KCNIP4: variants seen among roughly 807,000 people sequenced by gnomAD.
KCNIP4 encodes the protein Kv channel-interacting protein 4.
Under a neutral mutation model 34.0 loss-of-function variants are expected in KCNIP4, and 12 were observed. The ratio of observed to expected loss-of-function variants is 0.35; its 90% CI spans 0.23 to 0.57. The LOEUF (loss-of-function observed/expected upper bound fraction) is 0.57, where lower values mean the gene tolerates loss of function less well. KCNIP4 is among the 20% of genes least tolerant of loss of function. KCNIP4 has a pLI of 0.83. For synonymous variants in KCNIP4, 124 were observed against 102.2 expected (o/e 1.21, Z -1.29); for missense variants, 238 against 311.7 (o/e 0.76, Z 1.78).
At chr4:21,835,201 T>C (rs1217831598) in intron 1 of KCNIP4, among the ~76,000 whole-genome samples, 1 of 152,024 alleles carries the variant, frequency 6.6e-6, no homozygotes, top group Non-Finnish European at 1.5e-5. Flanking sequence ...CTATGAAAGA[T>C]GATAATAAAT....
chr4:20,765,888 G>A (rs934481906), intron 3 of KCNIP4, among the ~76,000 whole-genome samples: 9 of 152,204 alleles, frequency 5.9e-5, no homozygotes, highest in African/African-American at 2.2e-4. Flanking sequence ...CTCAGGCCAT[G>A]TGGGGACACA....
intron 2 of KCNIP4, 35 bp from the exon 3 acceptor site, chr4:20,850,702 G>A (rs768645909): frequency 1.2e-6 from 2 of 1,603,642 alleles, no homozygotes; most frequent in East Asian, 2.2e-5. Context: ...CTTAGGACCA[G>A]CCACTGCTCA....
At chr4:20,839,067 C>T (rs921542155) in intron 3 of KCNIP4, among the ~76,000 whole-genome samples, 4 of 152,078 alleles carry the variant, frequency 2.6e-5, no homozygotes, top group Non-Finnish European at 4.4e-5. Flanking sequence ...AAAGTAACCA[C>T]AATAAAGGCA....
chr4:20,860,151 T>C (rs996951656), intron 2 of KCNIP4, among the ~76,000 whole-genome samples: 1 of 152,130 alleles, frequency 6.6e-6, no homozygotes, highest in Non-Finnish European at 1.5e-5. Flanking sequence ...CTTTTTTTCT[T>C]TTTTTGAGAT....
intron 1 of KCNIP4, among the ~76,000 whole-genome samples, chr4:21,764,566 G>A (rs779092807): frequency 4.6e-5 from 7 of 152,004 alleles, no homozygotes; most frequent in Admixed American, 2.0e-4. Flanking sequence ...ATCAGAAACC[G>A]GACTATATAA....
chr4:21,172,884 C>A lies in KCNIP4; in HGVS notation c.62-290175G>T, dbSNP rs139041220. Among the ~76,000 whole-genome samples the A allele has an allele frequency of 4.1e-3, 621 of 152,258 alleles. 3 individuals are homozygous for A. Among genetic ancestry groups the A allele is most frequent in the African/African-American group, 0.014 (581 of 41,536 alleles). ...GAAATGGAATTCATTAAAGGTAGTTCTGAGAATTTCTAAGTGAGCTGGAGC... is the reference window on the plus strand; with the variant it reads ...GAAATGGAATTCATTAAAGGTAGTTATGAGAATTTCTAAGTGAGCTGGAGC... On this transcript the variant is annotated intron_variant, in intron 1 of 8. Coordinates refer to ENST00000382152, the MANE Select transcript of KCNIP4 (RefSeq NM_025221.6).
At chr4:21,368,876 A>T (rs1720060303) in intron 1 of KCNIP4, among the ~76,000 whole-genome samples, 1 of 147,524 alleles carries the variant, frequency 6.8e-6, no homozygotes, top group Non-Finnish European at 1.5e-5. Flanking sequence ...CAGGTGAAAG[A>T]ATAACAGGGC....
chr4:21,739,884 T>C (rs1716282730), intron 1 of KCNIP4, among the ~76,000 whole-genome samples: 1 of 152,090 alleles, frequency 6.6e-6, no homozygotes, highest in Non-Finnish European at 1.5e-5. Context: ...TATCCAATGG[T>C]TGGTTCACAG....
At chr4:20,785,128 C>T (rs906730613) in intron 3 of KCNIP4, among the ~76,000 whole-genome samples, 2 of 152,022 alleles carry the variant, frequency 1.3e-5, no homozygotes, top group Non-Finnish European at 2.9e-5. Flanking sequence ...GCAGGGCTAG[C>T]CAAGCATCCC....
In KCNIP4 at chr4:20,999,253, T is replaced by A. The variant is rs141116741; in HGVS notation, c.62-116544A>T. ...CTTCATCTTAGACATAGGCAAGAGC[T>A]CAGTTTCCTGAGTGAGTGTGTTTGG... On this transcript the variant is annotated intron_variant, in intron 1 of 8. Transcript: ENST00000382152. 9.9e-3 allele frequency among the ~76,000 whole-genome samples: 1,503 copies of A among 152,222 alleles called. 8 individuals are homozygous for A. The highest frequency in any genetic ancestry group is 0.017 in the Middle Eastern group (5 of 294).
Position 21,465,332 on chromosome 4 carries a change from A to T in KCNIP4, c.61+483239T>A, listed in dbSNP as rs368048183. 1.0e-3 allele frequency among the ~76,000 whole-genome samples: 156 copies of T among 152,204 alleles called. 3 individuals are homozygous for T. In the South Asian group the frequency reaches 0.031, roughly 30 times the overall value. On this transcript the variant is annotated intron_variant, in intron 1 of 8. Coordinates refer to ENST00000382152, the MANE Select transcript of KCNIP4 (RefSeq NM_025221.6). ...TTGACATGCTCAGCAGGTACATAAG[A>T]TATACTTTCCAGATCAATGCTGGAT... is the stretch of plus-strand genomic sequence containing the variant.
At chr4:21,786,174 G>A (rs1164527584) in intron 1 of KCNIP4, among the ~76,000 whole-genome samples, 1 of 152,146 alleles carries the variant, frequency 6.6e-6, no homozygotes, top group Non-Finnish European at 1.5e-5. Flanking sequence ...GTCTCGATCT[G>A]TTGACCTTGT....
At chr4:21,184,000 T>C (rs1755035923) in intron 1 of KCNIP4, among the ~76,000 whole-genome samples, 1 of 152,126 alleles carries the variant, frequency 6.6e-6, no homozygotes, top group Admixed American at 6.6e-5. Flanking sequence ...AAAATTGTTG[T>C]TTATTAATTT....
At chr4:21,418,006 G>T (rs1489265002) in intron 1 of KCNIP4, among the ~76,000 whole-genome samples, 1 of 152,120 alleles carries the variant, frequency 6.6e-6, no homozygotes, top group African/African-American at 2.4e-5. Context: ...TGTTTTGGGG[G>T]CCTCCATGCA....
chr4:21,618,630 C>CTTTT (rs58967707), intron 1 of KCNIP4, among the ~76,000 whole-genome samples: 33 of 81,720 alleles, frequency 4.0e-4, no homozygotes, highest in East Asian at 7.8e-4. Flanking sequence ...TTTTCTTTTT[C>CTTTT]TTTTTTTTTT....
chr4:21,246,777 A>G (rs1014895876), intron 1 of KCNIP4, among the ~76,000 whole-genome samples: 3 of 152,234 alleles, frequency 2.0e-5, no homozygotes, highest in Non-Finnish European at 2.9e-5. Flanking sequence ...AAATAATGAA[A>G]AAGAAAAATT....
At chr4:21,053,479 A>G (rs1482800009) in intron 1 of KCNIP4, among the ~76,000 whole-genome samples, 1 of 152,234 alleles carries the variant, frequency 6.6e-6, no homozygotes, top group African/African-American at 2.4e-5. Context: ...TCCTCTCTCC[A>G]CTTCTTTTCA....
intron 1 of KCNIP4, among the ~76,000 whole-genome samples, chr4:20,894,824 C>T (rs987584919): frequency 1.3e-5 from 2 of 152,214 alleles, no homozygotes; most frequent in Non-Finnish European, 2.9e-5. Context: ...TAAATTTCAT[C>T]TTGAACATGA....
intron 3 of KCNIP4, among the ~76,000 whole-genome samples, chr4:20,781,873 C>T (rs912134857): frequency 2.0e-5 from 3 of 152,072 alleles, no homozygotes; most frequent in African/African-American, 7.2e-5. Context: ...TCCGAAAGTC[C>T]ACAGTCCAAA....
Sources: allele counts gnomAD v4.1 joint callset (sites outside exome capture counted in the v4.1 genomes callset), GRCh38; gene constraint gnomAD v4.1.1; transcripts MANE v1.5; gene names NCBI Gene and HGNC (gene_info 2026-07-23, HGNC 2026-07-21).